PNLIPRP3: variants seen among roughly 807,000 people sequenced by gnomAD.
PNLIPRP3 encodes pancreatic lipase-related protein 3.
Under a neutral mutation model 52.8 loss-of-function variants are expected in PNLIPRP3, and 58 were observed. The ratio of observed to expected loss-of-function variants is 1.10; its 90% CI spans 0.89 to 1.37. The LOEUF is 1.37. Among genes scored for constraint, PNLIPRP3 ranks in the 40% most tolerant of loss-of-function variants. PNLIPRP3 has a pLI of 0.00. For missense variants in PNLIPRP3, 593 were observed against 561.6 expected (o/e 1.06, Z -0.57); for synonymous variants, 192 against 185.0 (o/e 1.04, Z -0.31).
In PNLIPRP3 at chr10:116,477,508, T is replaced by A. The variant is rs1846493650; in HGVS notation, c.*355T>A. 2 of 166,244 alleles carry A rather than the reference T, an allele frequency of 1.2e-5. No homozygotes were observed. Among genetic ancestry groups the A allele is most frequent in the Admixed American group, 1.2e-4 (2 of 16,012 alleles). 10.3% of individuals were successfully genotyped at this position (166,244 alleles called of 1,614,324 possible). A position where few individuals can be genotyped will look rare whatever the true frequency, so the allele number is the denominator to read the frequency against. On this transcript the variant is annotated 3_prime_UTR_variant, in exon 12 of 12. Coordinates refer to ENST00000369230, the MANE Select transcript of PNLIPRP3 (RefSeq NM_001011709.3). ...AGTAAGCCTCTGGCTTGCTGAGTTT[T>A]TGAAGTATATTTTCAGGTATAATAA...
intron 4 of PNLIPRP3, among the ~76,000 whole-genome samples, chr10:116,448,597 A>T (rs1407370005): frequency 6.6e-6 from 1 of 152,230 alleles, no homozygotes; most frequent in Non-Finnish European, 1.5e-5. Context: ...CTGTAATCCC[A>T]GTACTTTGGG....
At chr10:116,442,415 T>G (rs570526770) in intron 2 of PNLIPRP3, among the ~76,000 whole-genome samples, 1 of 152,354 alleles carries the variant, frequency 6.6e-6, no homozygotes, top group Non-Finnish European at 1.5e-5. Context: ...CATGTTTTAA[T>G]TCTCATGAAT....
At chr10:116,436,922 TAG>T (rs1845782983) in intron 2 of PNLIPRP3, 57 bp downstream of exon 2, 2 of 1,473,780 alleles carry the variant, frequency 1.4e-6, no homozygotes, top group Non-Finnish European at 1.8e-6. Flanking sequence ...GATTTGCCTA[TAG>T]ATACAGAAGA....
chr10:116,443,122 T>C lies in PNLIPRP3; in HGVS notation c.272T>C (p.Ile91Thr). The change falls in exon 3 of 12, where the codon ATC becomes ACC. Residue 91 changes from isoleucine to threonine, a missense_variant. Physicochemically the swap from Ile to Thr is moderately conservative, Grantham distance 89. Coordinates refer to ENST00000369230, the MANE Select transcript of PNLIPRP3 (RefSeq NM_001011709.3). ...SYFGTDKITR[I>T]NIAGWKTDGK... is the part of the protein sequence containing the mutation. ...TTTGGAACAGACAAGATCACCCGTA[T>C]CAACATAGCTGGATGGAAAACAGAT... The C allele has an allele frequency of 1.2e-6, 2 of 1,612,108 alleles. No homozygotes were observed. Among genetic ancestry groups the C allele is most frequent in the Non-Finnish European group, 1.7e-6 (2 of 1,178,696 alleles).
In PNLIPRP3 at chr10:116,461,254, C is replaced by T. The variant is rs1846188391; in HGVS notation, c.772C>T (p.Pro258Ser). Reference protein sequence around the residue: ...HMPGCEDLITPLLKFNFNAYK... With the variant: ...HMPGCEDLITSLLKFNFNAYK... ...GCCAGGATGTGAAGACTTAATTACACCTTTACTGAAATTTAACTTCAATGC... is the reference window on the plus strand; with the variant it reads ...GCCAGGATGTGAAGACTTAATTACATCTTTACTGAAATTTAACTTCAATGC... The change falls in exon 7 of 12, where the codon CCT (proline) becomes TCT (serine). Residue 258 changes from proline (P) to serine (S), a missense_variant. Transcript: ENST00000369230. The T allele has an allele frequency of 9.9e-6, 16 of 1,613,056 alleles. No homozygotes were observed. The highest frequency in any genetic ancestry group is 1.3e-5 in the African/African-American group (1 of 74,882).
At chr10:116,465,529 C>T (rs7899427) in intron 7 of PNLIPRP3, among the ~76,000 whole-genome samples, 10,450 of 150,568 alleles carry the variant, frequency 0.069, 484 homozygotes, top group Non-Finnish European at 0.1. Context: ...AGCCAGACTC[C>T]ATCTAAAAAA....
chr10:116,457,397 C>T (rs187769279), intron 5 of PNLIPRP3, among the ~76,000 whole-genome samples: 40 of 152,232 alleles, frequency 2.6e-4, no homozygotes, highest in African/African-American at 9.2e-4. Flanking sequence ...TACATGCACA[C>T]TTTAAATTCA....
intron 1 of PNLIPRP3, among the ~76,000 whole-genome samples, chr10:116,430,127 C>A (rs1165820117): frequency 6.6e-6 from 1 of 152,100 alleles, no homozygotes; most frequent in Non-Finnish European, 1.5e-5. Context: ...TTGCGAGAAA[C>A]AAAGACAGTT....
At chr10:116,439,731 T>C (rs1368767817) in intron 2 of PNLIPRP3, 2 of 770,748 alleles carry the variant, frequency 2.6e-6, no homozygotes, top group African/African-American at 3.4e-5. Flanking sequence ...AGGCGCAGAA[T>C]TCTGAACAGA....
At chr10:116,475,528 A>G (rs1846449965) in intron 10 of PNLIPRP3, among the ~76,000 whole-genome samples, 1 of 152,248 alleles carries the variant, frequency 6.6e-6, no homozygotes, top group Admixed American at 6.5e-5. Context: ...TTCTTGGAAT[A>G]ACAGAAAGAT....
At chr10:116,472,731 C>T (rs2133159543) in intron 10 of PNLIPRP3, among the ~76,000 whole-genome samples, 1 of 152,314 alleles carries the variant, frequency 6.6e-6, no homozygotes, top group Non-Finnish European at 1.5e-5. Flanking sequence ...GGTGCACAGG[C>T]TCCAGCCCAC....
Position 116,466,034 on chromosome 10 carries a change from G to A in PNLIPRP3, c.809-16G>A, listed in dbSNP as rs763788973. 2 of 1,551,182 alleles carry A rather than the reference G, an allele frequency of 1.3e-6. No individual in the cohort carries two copies. Among genetic ancestry groups the A allele is most frequent in the South Asian group, 1.1e-5 (1 of 89,670 alleles). On this transcript the variant is annotated splice_polypyrimidine_tract_variant and intron_variant, in intron 7 of 11. Coordinates refer to ENST00000369230, the MANE Select transcript of PNLIPRP3 (RefSeq NM_001011709.3). ...TCAGTTAATTGCTATCAGTTAATTGGGAATTGTTTTCACAGAAATGGCTTC... is the reference window on the plus strand; with the variant it reads ...TCAGTTAATTGCTATCAGTTAATTGAGAATTGTTTTCACAGAAATGGCTTC...
chr10:116,436,174 T>A (rs1845771026), intron 1 of PNLIPRP3, among the ~76,000 whole-genome samples: 1 of 152,044 alleles, frequency 6.6e-6, no homozygotes, highest in African/African-American at 2.4e-5. Flanking sequence ...CCTTACGCCA[T>A]ATACAAAATT....
intron 1 of PNLIPRP3, among the ~76,000 whole-genome samples, chr10:116,434,812 T>G (rs1845753105): frequency 6.6e-6 from 1 of 152,018 alleles, no homozygotes; most frequent in Non-Finnish European, 1.5e-5. Context: ...CTGGTTCAAA[T>G]TAGAAAAGGA....
At chr10:116,442,303 T>TATG (rs1845870281) in intron 2 of PNLIPRP3, among the ~76,000 whole-genome samples, 1 of 152,212 alleles carries the variant, frequency 6.6e-6, no homozygotes, top group South Asian at 2.1e-4. Flanking sequence ...TTATCTCCAA[T>TATG]ATGCTGGTGT....
intron 5 of PNLIPRP3, 119 bp from the exon 6 acceptor site, chr10:116,460,847 C>G: frequency 7.2e-7 from 1 of 1,387,698 alleles, no homozygotes; most frequent in Non-Finnish European, 9.8e-7. Context: ...TGTATCTGTA[C>G]TTTTTCCTGA....
At chr10:116,443,369 A>G (rs1334501143) in intron 3 of PNLIPRP3, among the ~76,000 whole-genome samples, 195 bp downstream of exon 3, 1 of 152,048 alleles carries the variant, frequency 6.6e-6, no homozygotes, top group East Asian at 1.9e-4. Flanking sequence ...TTACAAGGGA[A>G]GCAAATTTGT....
chr10:116,468,431 CA>C (rs2133153657), intron 8 of PNLIPRP3, among the ~76,000 whole-genome samples: 1 of 152,246 alleles, frequency 6.6e-6, no homozygotes, highest in East Asian at 1.9e-4. Context: ...AAATGAAACA[CA>C]AAAACATAAG....
intron 4 of PNLIPRP3, among the ~76,000 whole-genome samples, chr10:116,445,520 G>A (rs1289397443): frequency 6.7e-6 from 1 of 149,284 alleles, no homozygotes; most frequent in Non-Finnish European, 1.5e-5. Context: ...GAAAGTCTTT[G>A]AAAGGATGAA....
Sources: allele counts gnomAD v4.1 joint callset (sites outside exome capture counted in the v4.1 genomes callset), GRCh38; gene constraint gnomAD v4.1.1; transcripts MANE v1.5; gene names NCBI Gene and HGNC (gene_info 2026-07-23, HGNC 2026-07-21).